The following NEGR1 variants were observed in gnomAD, a reference collection of about 807,000 sequenced individuals.
NEGR1 encodes IgLON family member 4.
In NEGR1, 10 loss-of-function variants were observed where a neutral mutation model predicts 40.9. The observed-to-expected ratio is 0.24, with a 90% CI of 0.15 to 0.42. The LOEUF (loss-of-function observed/expected upper bound fraction) is 0.42, where lower values mean the gene tolerates loss of function less well. NEGR1 is among the 10% of genes least tolerant of loss of function. The pLI is 1.00. For missense variants in NEGR1, 352 were observed against 438.9 expected (o/e 0.80, Z 1.77); for synonymous variants, 185 against 166.8 (o/e 1.11, Z -0.84).
chr1:71,619,008 T>C (rs147534430), intron 4 of NEGR1, among the ~76,000 whole-genome samples: 70 of 152,260 alleles, frequency 4.6e-4, no homozygotes, highest in Middle Eastern at 3.4e-3. Flanking sequence ...TCAAGAGGTT[T>C]CTAAGGGCTC....
chr1:71,769,688 G>C (rs1320070033), intron 3 of NEGR1, among the ~76,000 whole-genome samples: 2 of 152,140 alleles, frequency 1.3e-5, no homozygotes, highest in African/African-American at 2.4e-5. Context: ...GGCCTCCCCA[G>C]TCCTGTGGAA....
chr1:71,493,101 T>C (rs1646940068), intron 6 of NEGR1, among the ~76,000 whole-genome samples: 1 of 152,150 alleles, frequency 6.6e-6, no homozygotes. Flanking sequence ...TTTTGAAATA[T>C]CTGTTTTATC....
intron 4 of NEGR1, among the ~76,000 whole-genome samples, chr1:71,616,724 A>G (rs990924557): frequency 3.3e-5 from 5 of 152,138 alleles, no homozygotes; most frequent in Non-Finnish European, 7.4e-5. Context: ...TTTTTCCTAC[A>G]CTGCGCACTT....
intron 1 of NEGR1, among the ~76,000 whole-genome samples, chr1:72,196,967 T>C (rs1653024261): frequency 6.6e-6 from 1 of 152,008 alleles, no homozygotes; most frequent in African/African-American, 2.4e-5. Context: ...CAACTTATCA[T>C]ATAATTTTGG....
chr1:72,089,423 A>T (rs1210282577), intron 1 of NEGR1, among the ~76,000 whole-genome samples: 1 of 152,218 alleles, frequency 6.6e-6, no homozygotes, highest in Admixed American at 6.5e-5. Context: ...ATAATTTTTT[A>T]AAAGCATTAC....
intron 1 of NEGR1, among the ~76,000 whole-genome samples, chr1:72,092,285 C>G (rs928621681): frequency 2.6e-5 from 4 of 152,038 alleles, no homozygotes; most frequent in African/African-American, 9.7e-5. Context: ...CAATCCTTGG[C>G]AAAGTTTAAT....
At position 71,870,849 on chromosome 1, in the gene NEGR1, A is replaced by C. The variant is rs574049023; in HGVS notation, c.409+64230T>G. The stretch of plus-strand genomic sequence containing the variant: ...TGAATGTGCTAACCTGAAGGGGTGA[A>C]TGTTCAAAACACTGCAGAGCCAACA... On this transcript the variant is annotated intron_variant, in intron 2 of 6. Transcript: ENST00000357731. Among the ~76,000 whole-genome samples, 3 of 152,332 alleles carry C rather than the reference A, an allele frequency of 2.0e-5. 1 individual carries two copies. In the South Asian group the frequency reaches 6.2e-4, roughly 32 times the overall value.
chr1:71,645,960 A>G (rs1196609208), intron 4 of NEGR1, among the ~76,000 whole-genome samples: 1 of 151,744 alleles, frequency 6.6e-6, no homozygotes, highest in Admixed American at 6.6e-5. Context: ...GAATAATTAC[A>G]TCTCAGAATT....
In NEGR1 at chr1:71,399,582, A is replaced by C. The variant is rs1412330893; in HGVS notation, c.*7864T>G. ...TTAAAAAAATTATTCAGAACACCAC[A>C]TGGCCAGCTTGCAAGCTTATTTTCC... On this transcript the variant is annotated 3_prime_UTR_variant, in exon 7 of 7. Coordinates refer to ENST00000357731, the MANE Select transcript of NEGR1 (RefSeq NM_173808.3). 1 of 152,184 alleles carries C rather than the reference A, an allele frequency of 6.6e-6. No homozygotes were observed. Among genetic ancestry groups the C allele is most frequent in the Admixed American group, 6.5e-5 (1 of 15,280 alleles). 9.4% of individuals were successfully genotyped at this position (152,184 alleles called of 1,614,324 possible). A position where few individuals can be genotyped will look rare whatever the true frequency, so the allele number is the denominator to read the frequency against.
At chr1:71,816,898 T>C (rs1658239434) in intron 2 of NEGR1, among the ~76,000 whole-genome samples, 1 of 151,932 alleles carries the variant, frequency 6.6e-6, no homozygotes, top group Admixed American at 6.6e-5. Flanking sequence ...TAATATTATC[T>C]ACTTTTAATC....
chr1:71,914,580 C>A (rs1181329332), intron 2 of NEGR1, among the ~76,000 whole-genome samples: 2 of 152,184 alleles, frequency 1.3e-5, no homozygotes, highest in African/African-American at 4.8e-5. Context: ...GTGTAAGCCC[C>A]TTCTCTCTTT....
intron 3 of NEGR1, among the ~76,000 whole-genome samples, chr1:71,764,567 A>C (rs536410658): frequency 1.4e-4 from 22 of 152,166 alleles, no homozygotes; most frequent in Non-Finnish European, 2.9e-4. Flanking sequence ...TCGCAACATC[A>C]ACAAGGCATT....
At chr1:72,104,558 C>G (rs954917921) in intron 1 of NEGR1, among the ~76,000 whole-genome samples, 6 of 152,034 alleles carry the variant, frequency 3.9e-5, no homozygotes, top group Admixed American at 6.6e-5. Flanking sequence ...TTTTGAACCT[C>G]TGATCTCCAT....
intron 2 of NEGR1, among the ~76,000 whole-genome samples, chr1:71,924,532 A>G (rs1645752952): frequency 6.6e-6 from 1 of 152,166 alleles, no homozygotes; most frequent in African/African-American, 2.4e-5. Flanking sequence ...AAAAGGGTCC[A>G]TCCACCCATT....
chr1:71,472,168 C>T (rs1646786999), intron 6 of NEGR1, among the ~76,000 whole-genome samples: 2 of 152,046 alleles, frequency 1.3e-5, no homozygotes, highest in South Asian at 4.1e-4. Flanking sequence ...TAAGATCTAT[C>T]ATTGAGTCTG....
At chr1:71,871,069 G>C (rs1660264398) in intron 2 of NEGR1, among the ~76,000 whole-genome samples, 1 of 152,166 alleles carries the variant, frequency 6.6e-6, no homozygotes, top group Non-Finnish European at 1.5e-5. Flanking sequence ...TTAAGAAGGG[G>C]AGCCGAGCAG....
chr1:72,167,318 A>C (rs1557559532), intron 1 of NEGR1, among the ~76,000 whole-genome samples: 1 of 152,160 alleles, frequency 6.6e-6, no homozygotes, highest in Non-Finnish European at 1.5e-5. Flanking sequence ...ATGTAAACAC[A>C]TTCTTTAACA....
intron 2 of NEGR1, among the ~76,000 whole-genome samples, chr1:71,847,925 G>A (rs1191657984): frequency 6.6e-6 from 1 of 152,144 alleles, no homozygotes; most frequent in Non-Finnish European, 1.5e-5. Context: ...TAAATGCCAA[G>A]GAAACATTCT....
At chr1:71,598,424 A>G (rs1207175651) in intron 5 of NEGR1, among the ~76,000 whole-genome samples, 1 of 152,192 alleles carries the variant, frequency 6.6e-6, no homozygotes, top group African/African-American at 2.4e-5. Context: ...TCTCTGGACC[A>G]GAAGCCTCTT....
Sources: allele counts gnomAD v4.1 joint callset (sites outside exome capture counted in the v4.1 genomes callset), GRCh38; gene constraint gnomAD v4.1.1; transcripts MANE v1.5; gene names NCBI Gene and HGNC (gene_info 2026-07-23, HGNC 2026-07-21).